Variants in CD99 observed in about 807,000 individuals in gnomAD.
CD99 encodes CD99 antigen.
In CD99, 19 loss-of-function variants were observed where a neutral mutation model predicts 28.4. The ratio of observed to expected loss-of-function variants is 0.67; its 90% CI spans 0.47 to 0.98. CD99 has a LOEUF of 0.98. CD99 is among the 50% of genes least tolerant of loss of function. The pLI is 0.00. For missense variants in CD99, 283 were observed against 248.8 expected (o/e 1.14, Z -0.92); for synonymous variants, 103 against 92.1 (o/e 1.12, Z -0.67).
intron 1 of CD99, among the ~76,000 whole-genome samples, chrX:2,708,147 T>G (rs1237383735): frequency 6.6e-6 from 1 of 151,958 alleles, no homozygotes. Flanking sequence ...GGGGACTGCC[T>G]CCCTCACACA....
chrX:2,708,073 A>G (rs1206055200), intron 1 of CD99, among the ~76,000 whole-genome samples: 1 of 152,150 alleles, frequency 6.6e-6, no homozygotes, highest in Non-Finnish European at 1.5e-5. Context: ...GCTTCAAGCC[A>G]ATAGCACGTG....
chrX:2,726,043 G>A (rs2049264121), intron 7 of CD99, among the ~76,000 whole-genome samples: 1 of 152,146 alleles, frequency 6.6e-6, no homozygotes, highest in South Asian at 2.1e-4. Flanking sequence ...GTCTGACCAG[G>A]TCTGCCCAGC....
At chrX:2,702,153 G>A (rs1265163026) in intron 1 of CD99, among the ~76,000 whole-genome samples, 1 of 152,184 alleles carries the variant, frequency 6.6e-6, no homozygotes, top group Non-Finnish European at 1.5e-5. Flanking sequence ...AAGCGCTTCA[G>A]GTGGGCTAGG....
chrX:2,692,035 A>G, intron 1 of CD99: 1 of 660,336 alleles, frequency 1.5e-6, no homozygotes, highest in Non-Finnish European at 2.8e-6. Context: ...CGCAGAAAGA[A>G]ACGTGTGCTT....
intron 8 of CD99, chrX:2,737,892 A>C (rs1309389255): frequency 3.5e-6 from 2 of 566,204 alleles, no homozygotes; most frequent in Non-Finnish European, 6.5e-6. Flanking sequence ...AAGAGCTTCC[A>C]TGTGCGTGTT....
Position 2,740,841 on chromosome X carries a change from A to G in CD99, c.*37A>G. 4 of 1,612,652 alleles carry G rather than the reference A, an allele frequency of 2.5e-6. No homozygotes were observed. Among genetic ancestry groups the G allele is most frequent in the Non-Finnish European group, 3.4e-6 (4 of 1,178,648 alleles). ...CAGAAACAGCCCAGGCGTTGGCAGC[A>G]GGGTTAGAACAGCTGCCTGAGGCTC... On this transcript the variant is annotated 3_prime_UTR_variant, in exon 10 of 10. Coordinates refer to ENST00000381192, the MANE Select transcript of CD99 (RefSeq NM_002414.5).
intron 8 of CD99, among the ~76,000 whole-genome samples, chrX:2,731,597 AAAAAG>A (rs1385039328): frequency 7.2e-5 from 11 of 152,334 alleles, no homozygotes; most frequent in East Asian, 3.9e-4. Flanking sequence ...TCAAAAAAGA[AAAAAG>A]AAAAGAAAAA....
chrX:2,741,087 C>G lies in CD99; in HGVS notation c.*283C>G. 4.2e-6 allele frequency: 2 copies of G among 481,754 alleles called. No individual in the cohort carries two copies. The highest frequency in any genetic ancestry group is 7.4e-6 in the Non-Finnish European group (2 of 270,470). The allele number at this position is 481,754 out of a possible 1,614,324, so 29.8% of individuals were successfully genotyped here. A position where few individuals can be genotyped will look rare whatever the true frequency, so the allele number is the denominator to read the frequency against. Reference sequence around the variant, plus strand: ...GTGAAAGGCTGGCCATTATTAAGTCCCTGTAACTCAAATGTCAACCCCACC... The same window carrying G: ...GTGAAAGGCTGGCCATTATTAAGTCGCTGTAACTCAAATGTCAACCCCACC... On this transcript the variant is annotated 3_prime_UTR_variant, in exon 10 of 10. Transcript: ENST00000381192.
In CD99 at chrX:2,739,598, C is replaced by A. The variant is rs143650939; in HGVS notation, c.533-1181C>A. Among the ~76,000 whole-genome samples, 569 of 151,964 alleles carry A rather than the reference C, an allele frequency of 3.7e-3. 2 individuals are homozygous for A. Among genetic ancestry groups the A allele is most frequent in the African/African-American group, 0.012 (498 of 41,460 alleles). The stretch of plus-strand genomic sequence containing the variant: ...CTGAGTAGCTGAGACCACAGGCACC[C>A]GCCATCATGCCCCACTAATTTTCTT... On this transcript the variant is annotated intron_variant, in intron 9 of 9. Transcript: ENST00000381192.
chrX:2,711,324 G>T (rs1487988154), intron 1 of CD99, among the ~76,000 whole-genome samples: 3 of 147,970 alleles, frequency 2.0e-5, no homozygotes, highest in African/African-American at 7.4e-5. Flanking sequence ...TATGTATATG[G>T]TGTGTATATA....
intron 8 of CD99, chrX:2,733,580 C>T (rs1444608123): frequency 1.8e-6 from 1 of 563,896 alleles, no homozygotes; most frequent in African/African-American, 1.9e-5. Context: ...CACAGAAGCT[C>T]ATTATAGCAA....
At chrX:2,726,964 C>T (rs141513721) in intron 8 of CD99, among the ~76,000 whole-genome samples, 4,135 of 152,080 alleles carry the variant, frequency 0.027, 189 homozygotes, top group African/African-American at 0.095. Context: ...GGTGAAACCC[C>T]GTCTCTACTA....
At chrX:2,723,947 G>C (rs2049134365) in intron 7 of CD99, among the ~76,000 whole-genome samples, 1 of 143,370 alleles carries the variant, frequency 7.0e-6, no homozygotes, top group Admixed American at 6.8e-5. Flanking sequence ...GAGAAGTAGG[G>C]AGGAAGAAAA....
intron 1 of CD99, among the ~76,000 whole-genome samples, chrX:2,702,907 G>A (rs1242725724): frequency 1.3e-5 from 2 of 151,892 alleles, no homozygotes; most frequent in Non-Finnish European, 2.9e-5. Context: ...TCAGCCTCCC[G>A]AGTAGCTGGG....
intron 1 of CD99, among the ~76,000 whole-genome samples, chrX:2,700,630 ATCCATCCATTCTCCATTCATCTT>A (rs1364262401): frequency 6.6e-6 from 1 of 151,048 alleles, no homozygotes; most frequent in Non-Finnish European, 1.5e-5. Flanking sequence ...CTGTCCATCC[ATCCATCCATTCTCCATTCATCTT>A]TCCATCCATG....
At chrX:2,705,073 A>ACATGAAGCCCTTCCCTTTC (rs1226477297) in intron 1 of CD99, among the ~76,000 whole-genome samples, 1 of 152,216 alleles carries the variant, frequency 6.6e-6, no homozygotes, top group Non-Finnish European at 1.5e-5. Context: ...ATTGCTACAG[A>ACATGAAGCCCTTCCCTTTC]CATGAAGCCC....
At position 2,703,604 on chromosome X, in the gene CD99, A is replaced by G. The variant is rs750581292; in HGVS notation, c.68-10818A>G. Among the ~76,000 whole-genome samples, 522 of 111,384 alleles carry G rather than the reference A, an allele frequency of 4.7e-3. 2 individuals are homozygous for G. Among genetic ancestry groups the G allele is most frequent in the African/African-American group, 0.022 (471 of 21,694 alleles). 73.1% of individuals were successfully genotyped at this position (111,384 alleles called of 152,430 possible). On this transcript the variant is annotated intron_variant, in intron 1 of 9. Transcript: ENST00000381192. ...GCTGTAATTAACAAACCGAGCTGTT[A>G]AGTGTGTGTGTGTGTGTGTGTGTGT...
chrX:2,723,523 C>T (rs1437077262), intron 7 of CD99, 159 bp downstream of exon 7: 2 of 771,116 alleles, frequency 2.6e-6, no homozygotes, highest in East Asian at 5.0e-5. Context: ...AGTGATGTAG[C>T]TGCAGAGGTC....
intron 8 of CD99, among the ~76,000 whole-genome samples, chrX:2,729,024 G>A (rs1037519856): frequency 6.6e-6 from 1 of 151,884 alleles, no homozygotes; most frequent in African/African-American, 2.4e-5. Flanking sequence ...AGAGATGGGG[G>A]TTCACCATGT....
Sources: gnomAD v4.1 joint callset for allele counts (sites outside exome capture counted in the v4.1 genomes callset) on GRCh38, gnomAD v4.1.1 for gene constraint, MANE v1.5 for transcripts, NCBI Gene and HGNC (gene_info 2026-07-23, HGNC 2026-07-21) for gene names.